RPS6KA5: variants seen among roughly 807,000 people sequenced by gnomAD.
RPS6KA5 encodes the protein ribosomal protein S6 kinase alpha-5.
RPS6KA5 carries 27 observed loss-of-function variants against 85.5 expected under a neutral mutation model. That is an observed-to-expected ratio of 0.32 (90% CI 0.23 to 0.44). The LOEUF is 0.44. Ranked by LOEUF, RPS6KA5 falls within the 20% of genes least tolerant of loss-of-function variation. RPS6KA5 has a pLI of 1.00. For missense variants in RPS6KA5, 811 were observed against 980.9 expected, an observed-to-expected ratio of 0.83 and a Z score of 2.31; for synonymous variants, 334 against 348.2, an observed-to-expected ratio of 0.96 and a Z score of 0.46.
Position 91,060,530 on chromosome 14 carries a change from G to A in RPS6KA5, c.-96C>T, listed in dbSNP as rs2043625996. On this transcript the variant is annotated 5_prime_UTR_variant, in exon 1 of 17. Transcript: ENST00000614987. ...CGCAGCCGCTGCCGCGGCCCCAGGA[G>A]TCGGGGTGCGGCGGCTCCAGAACTC... 2.4e-6 allele frequency: 3 copies of A among 1,227,214 alleles called. No homozygotes were observed. The highest frequency in any genetic ancestry group is 3.3e-5 in the East Asian group (1 of 30,708). 76.0% of individuals were successfully genotyped at this position (1,227,214 alleles called of 1,614,324 possible).
At chr14:90,943,775 G>A (rs921020703) in intron 4 of RPS6KA5, among the ~76,000 whole-genome samples, 2 of 152,070 alleles carry the variant, frequency 1.3e-5, no homozygotes, top group African/African-American at 4.8e-5. Flanking sequence ...AAGAATTGTT[G>A]ATTAACAGGC....
intron 1 of RPS6KA5, among the ~76,000 whole-genome samples, chr14:91,041,046 C>T (rs981747438): frequency 2.6e-5 from 4 of 152,046 alleles, no homozygotes; most frequent in South Asian, 2.1e-4. Flanking sequence ...AACTAGAGGG[C>T]GACAGAGAAT....
At position 90,899,301 on chromosome 14, in the gene RPS6KA5, G is replaced by GC; in HGVS notation, c.1473+27_1473+28insG. Reference sequence around the variant, plus strand: ...CCCTGTAAGTGAATTAGTACACATGGGAAAAAAAAAAAAAAAAAGTAGGAT... The same window carrying GC: ...CCCTGTAAGTGAATTAGTACACATGGCGAAAAAAAAAAAAAAAAAGTAGGAT... On this transcript the variant is annotated intron_variant, in intron 12 of 16. Coordinates refer to ENST00000614987, the MANE Select transcript of RPS6KA5 (RefSeq NM_004755.4). 3.0e-6 allele frequency: 3 copies of GC among 1,003,928 alleles called. 1 individual carries two copies. Among genetic ancestry groups the GC allele is most frequent in the South Asian group, 2.8e-5 (2 of 71,460 alleles). The allele number at this position is 1,003,928 out of a possible 1,614,324, so 62.2% of individuals were successfully genotyped here.
chr14:90,892,935 A>G (rs2034642264), intron 13 of RPS6KA5, among the ~76,000 whole-genome samples: 2 of 152,242 alleles, frequency 1.3e-5, no homozygotes, highest in South Asian at 4.1e-4. Context: ...TCAAGTGAGT[A>G]TTTGAAAGAA....
In RPS6KA5 at chr14:90,947,430, C is replaced by G; in HGVS notation, c.510+5G>C. ...AAAAGAAACCTGAAAAATGAAGAGT[C>G]TTACCTTGTGGAGATGTTCGAGGGC... On this transcript the variant is annotated splice_donor_5th_base_variant and intron_variant, in intron 4 of 16. Transcript: ENST00000614987. 4 of 1,544,052 alleles carry G rather than the reference C, an allele frequency of 2.6e-6. No individual in the cohort carries two copies. Among genetic ancestry groups the G allele is most frequent in the Non-Finnish European group, 3.6e-6 (4 of 1,116,776 alleles).
At chr14:90,940,953 A>G (rs1204335021) in intron 5 of RPS6KA5, among the ~76,000 whole-genome samples, 1 of 152,220 alleles carries the variant, frequency 6.6e-6, no homozygotes, top group Non-Finnish European at 1.5e-5. Context: ...GTCTTTGGGA[A>G]AAATGTCTCT....
intron 14 of RPS6KA5, among the ~76,000 whole-genome samples, chr14:90,878,382 T>G (rs1197905153): frequency 1.3e-5 from 2 of 152,164 alleles, no homozygotes; most frequent in Non-Finnish European, 2.9e-5. Context: ...CCCCCTCCCC[T>G]TCCTCGGATG....
intron 1 of RPS6KA5, among the ~76,000 whole-genome samples, chr14:91,024,484 G>A (rs1468007566): frequency 2.6e-5 from 4 of 152,006 alleles, no homozygotes; most frequent in African/African-American, 4.8e-5. Context: ...TCTATTTCTA[G>A]GCATTTATTA....
rs2031837725 is a variant in RPS6KA5 at position 90,848,722 on chromosome 14, C to T, written c.*23352G>A. ...CATTACATGCCAGCTGAGTGACTTGCAAAGGTTTGCCCCAGAAGGGCTTTT... is the reference window on the plus strand; with the variant it reads ...CATTACATGCCAGCTGAGTGACTTGTAAAGGTTTGCCCCAGAAGGGCTTTT... On this transcript the variant is annotated 3_prime_UTR_variant, in exon 17 of 17. Coordinates refer to ENST00000614987, the MANE Select transcript of RPS6KA5 (RefSeq NM_004755.4). 1 of 152,100 alleles carries T rather than the reference C, an allele frequency of 6.6e-6. No individual in the cohort carries two copies. Among genetic ancestry groups the T allele is most frequent in the East Asian group, 1.9e-4 (1 of 5,192 alleles). 9.4% of individuals were successfully genotyped at this position (152,100 alleles called of 1,614,324 possible).
chr14:90,884,702 C>T (rs1363265821), intron 14 of RPS6KA5, among the ~76,000 whole-genome samples: 1 of 152,212 alleles, frequency 6.6e-6, no homozygotes, highest in African/African-American at 2.4e-5. Flanking sequence ...AGCATCCTCT[C>T]TTTAAAATAT....
chr14:90,978,258 C>T lies in RPS6KA5; in HGVS notation c.394+48G>A, dbSNP rs763161129. On this transcript the variant is annotated intron_variant, in intron 3 of 16. Transcript: ENST00000614987. ...CTTTAAGTACATTATAACTTAAGAC[C>T]CAAAGAAAAGTGTTTTCATAAAAAG... 11 of 1,404,678 alleles carry T rather than the reference C, an allele frequency of 7.8e-6. No homozygotes were observed. The Admixed American group carries it at 2.3e-4, about 30-fold the overall frequency. The allele number at this position is 1,404,678 out of a possible 1,614,324, so 87.0% of individuals were successfully genotyped here. A position where few individuals can be genotyped will look rare whatever the true frequency, so the allele number is the denominator to read the frequency against.
chr14:90,890,552 G>A lies in RPS6KA5; in HGVS notation c.1771C>T (p.Pro591Ser). The A allele has an allele frequency of 1.2e-6, 2 of 1,614,164 alleles. No homozygotes were observed. The highest frequency in any genetic ancestry group is 1.7e-6 in the Non-Finnish European group (2 of 1,180,022). ...TAGCCGTTCTGATTCAAGAGCTCTG[G>A]GGCGGCATAATGAAGGGTGAAGCAT... ...TPCFTLHYAA[P>S]ELLNQNGYDE... Residue 591 changes from proline to serine, a missense_variant, in exon 14 of 17, where the codon CCA (proline) becomes TCA (serine). Pro to Ser is a moderately conservative substitution (Grantham distance 74). Around this residue, in one of 3 missense-constraint regions of RPS6KA5, gnomAD observed 650 missense variants for 793.4 expected, o/e 0.82. Transcript: ENST00000614987.
At chr14:90,993,364 C>T (rs2040385799) in intron 2 of RPS6KA5, among the ~76,000 whole-genome samples, 1 of 152,136 alleles carries the variant, frequency 6.6e-6, no homozygotes, top group Non-Finnish European at 1.5e-5. Flanking sequence ...CACTTGAACC[C>T]AGGAGGCGGA....
chr14:90,969,510 T>C (rs2039224713), intron 3 of RPS6KA5, among the ~76,000 whole-genome samples: 1 of 152,228 alleles, frequency 6.6e-6, no homozygotes. Context: ...CCATTTAAGA[T>C]GCAAAAGGAT....
chr14:91,026,344 C>T (rs11621168), intron 1 of RPS6KA5, among the ~76,000 whole-genome samples: 3,330 of 152,232 alleles, frequency 0.022, 45 homozygotes, highest in Non-Finnish European at 0.031. Context: ...GATCCTCTCA[C>T]CTCAGCTTCC....
chr14:90,889,430 T>A (rs2034429571), intron 14 of RPS6KA5, among the ~76,000 whole-genome samples: 1 of 151,892 alleles, frequency 6.6e-6, no homozygotes, highest in African/African-American at 2.4e-5. Flanking sequence ...TCATTTCAGA[T>A]GAAAACTGAT....
chr14:90,873,851 A>G (rs931898016), intron 15 of RPS6KA5, 56 bp from the exon 16 acceptor site: 14 of 1,466,004 alleles, frequency 9.5e-6, no homozygotes, highest in African/African-American at 1.4e-5. Flanking sequence ...TGGTTTAAAA[A>G]CAAACTCAGA....
chr14:91,010,362 C>T (rs1022432635), intron 1 of RPS6KA5, among the ~76,000 whole-genome samples: 10 of 152,026 alleles, frequency 6.6e-5, no homozygotes, highest in Non-Finnish European at 5.9e-5. Flanking sequence ...CCATTCAGGC[C>T]GTAAGCTGGG....
chr14:91,011,689 T>C (rs1007136163), intron 1 of RPS6KA5, among the ~76,000 whole-genome samples: 7 of 152,212 alleles, frequency 4.6e-5, no homozygotes, highest in Non-Finnish European at 7.3e-5. Flanking sequence ...CATGGAAAGG[T>C]ACCAATTGAG....
Sources: allele counts gnomAD v4.1 joint callset (sites outside exome capture counted in the v4.1 genomes callset), GRCh38; gene constraint gnomAD v4.1.1; regional missense constraint gnomAD v4.1.1; transcripts MANE v1.5; gene names NCBI Gene and HGNC (gene_info 2026-07-23, HGNC 2026-07-21).